MYH10: variants seen among roughly 807,000 people sequenced by gnomAD.
The protein encoded by MYH10 is myosin heavy chain 10, also known as myosin-10.
MYH10 carries 55 observed loss-of-function variants against 257.8 expected under a neutral mutation model. The observed-to-expected ratio is 0.21, with a 90% CI of 0.17 to 0.27. The LOEUF is 0.27. Among genes scored for constraint, MYH10 ranks in the 10% least tolerant of loss-of-function variants. The probability of loss-of-function intolerance (pLI) is 1.00; values close to 1 mark genes in which losing one functional copy is unlikely to be tolerated. For missense variants in MYH10, 1,631 were observed against 2,500.6 expected (o/e 0.65, Z 7.42); for synonymous variants, 854 against 921.7 (o/e 0.93, Z 1.33).
chr17:8,527,905 T>C (rs769891005), intron 17 of MYH10, among the ~76,000 whole-genome samples: 53 of 152,206 alleles, frequency 3.5e-4, no homozygotes, highest in Middle Eastern at 3.2e-3. Context: ...CCTTCATCCA[T>C]TGAAAGCGAG....
intron 3 of MYH10, among the ~76,000 whole-genome samples, chr17:8,595,363 G>C (rs903336799): frequency 7.0e-6 from 1 of 143,248 alleles, no homozygotes; most frequent in African/African-American, 2.7e-5. Flanking sequence ...CCCTCTTTTC[G>C]TTTTCCTCAT....
intron 10 of MYH10, 72 bp downstream of exon 10, chr17:8,548,572 T>G: frequency 2.0e-6 from 3 of 1,535,316 alleles, no homozygotes; most frequent in Non-Finnish European, 2.7e-6. Flanking sequence ...CATTTTCTAG[T>G]TTAGGTGATT....
rs1177966046 is a variant in MYH10, at chr17:8,577,355, A to C, written c.531-17T>G. On this transcript the variant is annotated splice_polypyrimidine_tract_variant and intron_variant, in intron 4 of 42. Coordinates refer to ENST00000360416, the MANE Select transcript of MYH10 (RefSeq NM_001256012.3). Reference sequence around the variant, plus strand: ...GACTCACCCCTGAAAGAAAGAGTTAATATAGGCTGCTTTAACGAAAGCACA... The same window carrying C: ...GACTCACCCCTGAAAGAAAGAGTTACTATAGGCTGCTTTAACGAAAGCACA... 1 of 1,579,358 alleles carries C rather than the reference A, an allele frequency of 6.3e-7. No homozygotes were observed. The highest frequency in any genetic ancestry group is 8.7e-7 in the Non-Finnish European group (1 of 1,154,920).
In MYH10 at chr17:8,548,316, T is replaced by C; in HGVS notation, c.1156A>G (p.Thr386Ala). The C allele has an allele frequency of 6.2e-7, 1 of 1,606,682 alleles. No individual in the cohort carries two copies. The highest frequency in any genetic ancestry group is 1.1e-5 in the South Asian group (1 of 90,568). Reference sequence around the variant, plus strand: ...AAGTCAGTATTCATCAGTTTACCTGTATTTTCTGGCATGGAAGCTTGATCA... The same window carrying C: ...AAGTCAGTATTCATCAGTTTACCTGCATTTTCTGGCATGGAAGCTTGATCA... The part of the protein sequence containing the change: ...NTDQASMPEN[T>A]VAQKLCHLLG... The change falls in exon 11 of 43, where the codon ACA (threonine) becomes GCA (alanine). Residue 386 changes from threonine to alanine, a missense_variant. By Grantham distance (58) the Thr-to-Ala change is moderately conservative. Around this residue, in one of 11 missense-constraint regions of MYH10, gnomAD observed 360 missense variants for 581.9 expected, o/e 0.62. Transcript: ENST00000360416.
At chr17:8,583,408 C>A (rs1422124111) in intron 4 of MYH10, among the ~76,000 whole-genome samples, 1 of 151,758 alleles carries the variant, frequency 6.6e-6, no homozygotes, top group Non-Finnish European at 1.5e-5. Context: ...CTAAATAATA[C>A]CTTTTTTTTT....
chr17:8,487,090 G>A (rs537224397), intron 36 of MYH10, among the ~76,000 whole-genome samples: 19 of 152,214 alleles, frequency 1.2e-4, no homozygotes, highest in East Asian at 9.7e-4. Context: ...AAAAAGTGAC[G>A]ATTAAAACAG....
chr17:8,591,420 G>GT (rs1317579063), intron 3 of MYH10, among the ~76,000 whole-genome samples: 3 of 152,148 alleles, frequency 2.0e-5, no homozygotes, highest in Non-Finnish European at 4.4e-5. Context: ...CACAAACTGT[G>GT]TATCTATAAA....
intron 30 of MYH10, 117 bp downstream of exon 30, chr17:8,499,153 A>G: frequency 1.1e-6 from 1 of 948,650 alleles, no homozygotes; most frequent in Non-Finnish European, 1.6e-6. Context: ...CTGGATAGCA[A>G]TTTTCAGGTG....
chr17:8,568,052 C>T (rs1299137399), intron 7 of MYH10, among the ~76,000 whole-genome samples: 1 of 152,144 alleles, frequency 6.6e-6, no homozygotes, highest in African/African-American at 2.4e-5. Flanking sequence ...TAAAAACAGC[C>T]TAAAATGTGT....
In MYH10 at chr17:8,536,952, T is replaced by G. The variant is rs529207736; in HGVS notation, c.1606-1021A>C. On this transcript the variant is annotated intron_variant, in intron 14 of 42. Transcript: ENST00000360416. ...ACGTGGCAGGATTTGGTAGTGGTAA[T>G]GGTTCCACAACTTTGTGAATATACT... is the stretch of plus-strand genomic sequence containing the variant. Among the ~76,000 whole-genome samples, 5 of 152,268 alleles carry G rather than the reference T, an allele frequency of 3.3e-5. No individual in the cohort carries two copies. In the East Asian group the frequency reaches 9.6e-4, roughly 29 times the overall value.
intron 19 of MYH10, 44 bp from the exon 20 acceptor site, chr17:8,518,994 AC>A (rs2081564985): frequency 6.8e-7 from 1 of 1,460,090 alleles, no homozygotes; most frequent in African/African-American, 1.4e-5. Flanking sequence ...AAATTTGTGA[AC>A]GATGTGTATC....
At chr17:8,590,679 T>C (rs113243232) in intron 3 of MYH10, among the ~76,000 whole-genome samples, 3 of 152,244 alleles carry the variant, frequency 2.0e-5, no homozygotes, top group African/African-American at 7.2e-5. Context: ...CCAACATTTA[T>C]AGTACATAGT....
chr17:8,619,341 G>GC (rs577666669), intron 2 of MYH10, among the ~76,000 whole-genome samples: 42 of 152,056 alleles, frequency 2.8e-4, no homozygotes, highest in Admixed American at 4.6e-4. Flanking sequence ...TCATGATAAG[G>GC]CGTCAGGAGT....
At position 8,506,558 on chromosome 17, in the gene MYH10, A is replaced by G. The variant is rs958510315; in HGVS notation, c.3215-69T>C. ...TCACCACAGGAATAAACTAAAATAC[A>G]GACTGATCCAAGTTGAAAATAAGCC... On this transcript the variant is annotated intron_variant, in intron 26 of 42. Coordinates refer to ENST00000360416, the MANE Select transcript of MYH10 (RefSeq NM_001256012.3). This position sits in a 1 kb window ranked among gnomAD's most constrained non-coding sequence, Gnocchi z 5.0. 3 of 1,500,420 alleles carry G rather than the reference A, an allele frequency of 2.0e-6. No homozygotes were observed. Among genetic ancestry groups the G allele is most frequent in the Non-Finnish European group, 1.8e-6 (2 of 1,105,780 alleles). The allele number at this position is 1,500,420 out of a possible 1,614,324, so 92.9% of individuals were successfully genotyped here.
chr17:8,613,242 A>G (rs531182489), intron 2 of MYH10, among the ~76,000 whole-genome samples: 1 of 152,310 alleles, frequency 6.6e-6, no homozygotes, highest in East Asian at 1.9e-4. Flanking sequence ...AGCAAAAACC[A>G]AAAAAACTTC....
intron 21 of MYH10, among the ~76,000 whole-genome samples, chr17:8,515,469 T>C (rs1431455662): frequency 6.6e-6 from 1 of 151,822 alleles, no homozygotes; most frequent in Non-Finnish European, 1.5e-5. Flanking sequence ...CATAACTGAT[T>C]TTATTCTTGC....
At position 8,535,791 on chromosome 17, in the gene MYH10, T is replaced by G; in HGVS notation, c.1746A>C (p.Lys582Asn). The G allele has an allele frequency of 6.2e-7, 1 of 1,614,160 alleles. No individual in the cohort carries two copies. Among genetic ancestry groups the G allele is most frequent in the Non-Finnish European group, 8.5e-7 (1 of 1,180,020 alleles). The change falls in exon 15 of 43, where the codon AAA becomes AAC. Residue 582 changes from lysine to asparagine, a missense_variant. Around this residue, in one of 11 missense-constraint regions of MYH10, gnomAD observed 63 missense variants for 167.9 expected, o/e 0.38. Transcript: ENST00000360416. This position sits in a 1 kb window ranked among gnomAD's most constrained non-coding sequence, Gnocchi z 4.3. ...KFQKPRQLKD[K>N]ADFCIIHYAG... ...CATAATGTATAATGCAAAAATCAGCTTTGTCTTTTAATTGTCGAGGTTTCT... is the reference window on the plus strand; with the variant it reads ...CATAATGTATAATGCAAAAATCAGCGTTGTCTTTTAATTGTCGAGGTTTCT...
chr17:8,487,905 GGTAACCAT>G (rs1353401002), intron 35 of MYH10, among the ~76,000 whole-genome samples: 1 of 152,104 alleles, frequency 6.6e-6, no homozygotes, highest in Non-Finnish European at 1.5e-5. Context: ...AAGACAATAC[GGTAACCAT>G]GTAATAAAGG....
chr17:8,584,308 A>G (rs1055215890), intron 4 of MYH10, among the ~76,000 whole-genome samples: 4 of 152,238 alleles, frequency 2.6e-5, no homozygotes, highest in African/African-American at 9.6e-5. Context: ...ATTACAGAAT[A>G]AATGACTGAA....
Sources: gnomAD v4.1 joint callset for allele counts (sites outside exome capture counted in the v4.1 genomes callset) on GRCh38, gnomAD v4.1.1 for gene constraint, gnomAD v4.1.1 regional missense constraint, Gnocchi (gnomAD v3.1) non-coding constraint, MANE v1.5 for transcripts, NCBI Gene and HGNC (gene_info 2026-07-23, HGNC 2026-07-21) for gene names.